G3BP1: variants seen among roughly 807,000 people sequenced by gnomAD.
G3BP1 encodes ras GTPase-activating protein-binding protein 1.
G3BP1 carries 35 observed loss-of-function variants against 58.6 expected under a neutral mutation model. The ratio of observed to expected loss-of-function variants is 0.60; its 90% CI spans 0.46 to 0.79. The LOEUF is 0.79. Among genes scored for constraint, G3BP1 ranks in the 30% least tolerant of loss-of-function variants. The pLI, the probability that G3BP1 is intolerant of heterozygous loss-of-function variation, is 0.00. For missense variants in G3BP1, 523 were observed against 580.8 expected, an observed-to-expected ratio of 0.90 and a Z score of 1.02; for synonymous variants, 191 against 195.4, an observed-to-expected ratio of 0.98 and a Z score of 0.19.
In G3BP1 at chr5:151,786,629, G is replaced by A; in HGVS notation, c.9G>A (p.Met3Ile). Residue 3 changes from methionine (M) to isoleucine (I), a missense_variant, in exon 2 of 12, where the codon ATG (methionine) becomes ATA (isoleucine). By Grantham distance (10) the Met-to-Ile change is conservative. This residue lies in a region of G3BP1 where 398 missense variants were observed against 399.1 expected (regional missense o/e 1.00). Transcript: ENST00000356245. ...TTGAATTGACCAAAGCAATGGTGATGGAGAAGCCTAGTCCCCTGCTGGTCG... is the reference window on the plus strand; with the variant it reads ...TTGAATTGACCAAAGCAATGGTGATAGAGAAGCCTAGTCCCCTGCTGGTCG... Reference protein sequence around the residue: MVMEKPSPLLVGR... With the variant: MVIEKPSPLLVGR... The A allele has an allele frequency of 6.2e-7, 1 of 1,610,206 alleles. No individual in the cohort carries two copies. Among genetic ancestry groups the A allele is most frequent in the Non-Finnish European group, 8.5e-7 (1 of 1,176,468 alleles).
chr5:151,780,715 G>A (rs1459985791), intron 1 of G3BP1, among the ~76,000 whole-genome samples: 4 of 152,050 alleles, frequency 2.6e-5, no homozygotes, highest in African/African-American at 7.2e-5. Flanking sequence ...GGGTTTTACC[G>A]CATTAGCCAG....
At chr5:151,775,441 C>G (rs2113213163) in intron 1 of G3BP1, among the ~76,000 whole-genome samples, 1 of 152,314 alleles carries the variant, frequency 6.6e-6, no homozygotes, top group South Asian at 2.1e-4. Context: ...ACCGAATTGT[C>G]AAAACTATTT....
Position 151,807,509 on chromosome 5 carries a change from CTT to C in G3BP1, c.*3424_*3425del, listed in dbSNP as rs1012550406. On this transcript the variant is annotated 3_prime_UTR_variant, in exon 12 of 12. Transcript: ENST00000356245. ...ATAATTAAACTTGGGTTTTGTGAGT[CTT>C]TTTTTGATTTGCAGATTATATATGG... 1 of 152,004 alleles carries C rather than the reference CTT, an allele frequency of 6.6e-6. No homozygotes were observed. The highest frequency in any genetic ancestry group is 1.5e-5 in the Non-Finnish European group (1 of 67,984). The allele number at this position is 152,004 out of a possible 1,614,324, so 9.4% of individuals were successfully genotyped here.
At chr5:151,793,975 T>A (rs947140722) in intron 4 of G3BP1, among the ~76,000 whole-genome samples, 184 bp from the exon 5 acceptor site, 12 of 152,084 alleles carry the variant, frequency 7.9e-5, no homozygotes, top group Non-Finnish European at 1.3e-4. Flanking sequence ...GGTGGCTCAC[T>A]GCATTCCCAC....
chr5:151,781,793 C>T (rs567644118), intron 1 of G3BP1, among the ~76,000 whole-genome samples: 65 of 152,116 alleles, frequency 4.3e-4, no homozygotes, highest in Non-Finnish European at 7.2e-4. Flanking sequence ...AGTATATAAC[C>T]TACAAATAGT....
chr5:151,799,554 A>G (rs1289271109), intron 8 of G3BP1, among the ~76,000 whole-genome samples: 3 of 152,086 alleles, frequency 2.0e-5, no homozygotes, highest in Non-Finnish European at 4.4e-5. Flanking sequence ...GCCTTGTGGC[A>G]TGCATCTGTA....
chr5:151,790,040 G>A (rs544374271), intron 2 of G3BP1, among the ~76,000 whole-genome samples: 182 of 150,974 alleles, frequency 1.2e-3, no homozygotes, highest in African/African-American at 4.1e-3. Flanking sequence ...AGGCATGGTG[G>A]CATGTGACTG....
At chr5:151,796,168 A>AT (rs1762744859) in intron 6 of G3BP1, among the ~76,000 whole-genome samples, 1 of 152,196 alleles carries the variant, frequency 6.6e-6, no homozygotes, top group Non-Finnish European at 1.5e-5. Flanking sequence ...TGATGAACTA[A>AT]TCAGGTTACT....
chr5:151,787,464 C>A (rs1373645317), intron 2 of G3BP1: 1 of 152,046 alleles, frequency 6.6e-6, no homozygotes, highest in African/African-American at 2.4e-5. Context: ...AACAATTTTT[C>A]TATATATATA....
At position 151,795,531 on chromosome 5, in the gene G3BP1, G is replaced by A; in HGVS notation, c.495G>A (p.Val165=). 1 of 1,608,084 alleles carries A rather than the reference G, an allele frequency of 6.2e-7. No homozygotes were observed. The highest frequency in any genetic ancestry group is 1.1e-5 in the South Asian group (1 of 90,826). Residue 165 remains valine, a synonymous_variant, in exon 6 of 12, where the codon GTG becomes GTA. Coordinates refer to ENST00000356245, the MANE Select transcript of G3BP1 (RefSeq NM_005754.3). Reference sequence around the variant, plus strand: ...AAGAAAGACAGCAAACACCTGAGGTGGTACCTGATGATTCTGGAACTTTCT... The same window carrying A: ...AAGAAAGACAGCAAACACCTGAGGTAGTACCTGATGATTCTGGAACTTTCT... ...EPEERQQTPE[V]VPDDSGTFYD... is the part of the protein sequence containing the mutation.
chr5:151,777,489 A>G (rs1384107218), intron 1 of G3BP1, among the ~76,000 whole-genome samples: 1 of 152,018 alleles, frequency 6.6e-6, no homozygotes, highest in African/African-American at 2.4e-5. Flanking sequence ...TCTTTTTCAC[A>G]TCTTTCCAGG....
At chr5:151,794,017 C>T (rs1762705413) in intron 4 of G3BP1, 142 bp from the exon 5 acceptor site, 2 of 590,650 alleles carry the variant, frequency 3.4e-6, no homozygotes, top group South Asian at 4.1e-5. Context: ...TCTCAGAACC[C>T]CACAACAACA....
chr5:151,800,110 A>G, intron 9 of G3BP1, 108 bp from the exon 10 acceptor site: 1 of 1,218,534 alleles, frequency 8.2e-7, no homozygotes, highest in Non-Finnish European at 1.2e-6. Flanking sequence ...TGTAGGGTTG[A>G]TGGAATTACC....
chr5:151,780,053 G>C (rs1296913577), intron 1 of G3BP1, among the ~76,000 whole-genome samples: 1 of 152,208 alleles, frequency 6.6e-6, no homozygotes, highest in Non-Finnish European at 1.5e-5. Context: ...TACCAGTTGA[G>C]ACTTCATCTT....
chr5:151,789,556 A>G (rs183379004), intron 2 of G3BP1, among the ~76,000 whole-genome samples: 15 of 152,338 alleles, frequency 9.8e-5, no homozygotes, highest in Admixed American at 9.1e-4. Context: ...CATCAGCAGA[A>G]ATAGTTAAAA....
intron 1 of G3BP1, among the ~76,000 whole-genome samples, chr5:151,774,937 TAA>T (rs35432279): frequency 1.3e-5 from 2 of 151,986 alleles, no homozygotes; most frequent in African/African-American, 4.8e-5. Context: ...TTACTTTTTT[TAA>T]AAAAGTATTC....
chr5:151,807,059 T>C lies in G3BP1; in HGVS notation c.*2968T>C, dbSNP rs1762947442. 6.6e-6 allele frequency: 1 copy of C among 152,238 alleles called. No homozygotes were observed. The highest frequency in any genetic ancestry group is 2.4e-5 in the African/African-American group (1 of 41,462). The allele number at this position is 152,238 out of a possible 1,614,324, so 9.4% of individuals were successfully genotyped here. On this transcript the variant is annotated 3_prime_UTR_variant, in exon 12 of 12. Transcript: ENST00000356245. The stretch of plus-strand genomic sequence containing the variant: ...TTAGTGGTGAGGTTGGGTTTTACTT[T>C]GTGTATTCCAGCGTTCTCAACTTTG...
intron 4 of G3BP1, among the ~76,000 whole-genome samples, chr5:151,792,602 T>C (rs1183326720): frequency 2.0e-5 from 3 of 152,224 alleles, no homozygotes; most frequent in Non-Finnish European, 4.4e-5. Context: ...TATGTTGATA[T>C]CTTTCTTTTT....
chr5:151,793,204 G>C (rs1762690354), intron 4 of G3BP1, among the ~76,000 whole-genome samples: 1 of 152,118 alleles, frequency 6.6e-6, no homozygotes, highest in Non-Finnish European at 1.5e-5. Context: ...CACCTCCCGG[G>C]TTCAAGCAAT....
Sources: gnomAD v4.1 joint callset for allele counts (sites outside exome capture counted in the v4.1 genomes callset) on GRCh38, gnomAD v4.1.1 for gene constraint, gnomAD v4.1.1 regional missense constraint, MANE v1.5 for transcripts, NCBI Gene and HGNC (gene_info 2026-07-23, HGNC 2026-07-21) for gene names.